The following MSANTD2 variants were observed in gnomAD, a reference collection of about 807,000 sequenced individuals.
The protein encoded by MSANTD2 is Myb/SANT DNA binding domain containing 2.
A neutral mutation model predicts 52.6 loss-of-function variants in MSANTD2; 19 were observed. The observed-to-expected ratio is 0.36, with a 90% CI of 0.25 to 0.53. The LOEUF (loss-of-function observed/expected upper bound fraction) is 0.53, where lower values mean the gene tolerates loss of function less well. Among genes scored for constraint, MSANTD2 ranks in the 20% least tolerant of loss-of-function variants. The pLI is 0.91. For synonymous variants in MSANTD2, 291 were observed against 289.7 expected (o/e 1.00, Z -0.04); for missense variants, 558 against 716.3 (o/e 0.78, Z 2.52).
chr11:124,773,175 T>G, intron 2 of MSANTD2, 121 bp from the exon 3 acceptor site: 1 of 616,260 alleles, frequency 1.6e-6, no homozygotes. Flanking sequence ...TTTATTCTAG[T>G]GTCAAACACT....
chr11:124,767,992 C>G lies in MSANTD2; in HGVS notation c.864G>C (p.Leu288Phe). ...GTTCCCATTTCAACTGTACCGATTC[C>G]AAAATCTGTACAATATTCTGCATGA... ...RDIMQNIVQI[L>F]ESVQLKWELF... The change falls in exon 4 of 4, where the codon TTG (leucine) becomes TTC (phenylalanine). Residue 288 changes from leucine (L) to phenylalanine (F), a missense_variant. This residue lies in a region of MSANTD2 where 408 missense variants were observed against 573.6 expected (regional missense o/e 0.71). Transcript: ENST00000374979. This position sits in a 1 kb window ranked among gnomAD's most constrained non-coding sequence, Gnocchi z 6.5. The G allele has an allele frequency of 6.2e-7, 1 of 1,612,460 alleles. No homozygotes were observed. Among genetic ancestry groups the G allele is most frequent in the Non-Finnish European group, 8.5e-7 (1 of 1,178,840 alleles).
At position 124,767,842 on chromosome 11, in the gene MSANTD2, C is replaced by G; in HGVS notation, c.1014G>C (p.Gln338His). Residue 338 changes from glutamine (Q) to histidine (H), a missense_variant, in exon 4 of 4, where the codon CAG (glutamine) becomes CAC (histidine). This residue lies in a region of MSANTD2 where 408 missense variants were observed against 573.6 expected (regional missense o/e 0.71). Coordinates refer to ENST00000374979, the MANE Select transcript of MSANTD2 (RefSeq NM_001308027.2). This position sits in a 1 kb window ranked among gnomAD's most constrained non-coding sequence, Gnocchi z 6.5. ...IRYHYAEISSQVPLGKRLREY... is the reference protein window; with the variant it reads ...IRYHYAEISSHVPLGKRLREY... The stretch of plus-strand genomic sequence containing the variant: ...CCCGAAGTCGCTTGCCAAGGGGCAC[C>G]TGGGAGCTGATCTCAGCATAATGGT... The G allele has an allele frequency of 6.2e-7, 1 of 1,614,240 alleles. No homozygotes were observed. The highest frequency in any genetic ancestry group is 1.7e-5 in the Admixed American group (1 of 60,030).
rs1174814446 is a variant in MSANTD2, at chr11:124,779,784, G to A, written c.511-4810C>T. 6.6e-6 allele frequency among the ~76,000 whole-genome samples: 1 copy of A among 152,142 alleles called. No homozygotes were observed. The highest frequency in any genetic ancestry group is 2.4e-5 in the African/African-American group (1 of 41,430). ...TGCCAAGTACACATGATAAATTTGA[G>A]ATTCCTTTTACCCAAATGATTAAAG... On this transcript the variant is annotated intron_variant, in intron 1 of 3. Transcript: ENST00000374979. This position sits in a 1 kb window ranked among gnomAD's most constrained non-coding sequence, Gnocchi z 4.6.
In MSANTD2 at chr11:124,799,908, T is replaced by C; in HGVS notation, c.473A>G (p.Tyr158Cys). The change falls in exon 1 of 4, where the codon TAC becomes TGC. Residue 158 changes from tyrosine (Y) to cysteine (C), a missense_variant. By Grantham distance (194) the Tyr-to-Cys change is radical. Coordinates refer to ENST00000374979, the MANE Select transcript of MSANTD2 (RefSeq NM_001308027.2). ...CCGGCACTGGGACGGGGTCCGCTCG[T>C]AGCCCAGCTCGGCCAGGGCCCGGGA... ...RVSRALAELG[Y>C]ERTPSQCRER... 2 of 1,585,488 alleles carry C rather than the reference T, an allele frequency of 1.3e-6. No homozygotes were observed. The highest frequency in any genetic ancestry group is 2.2e-5 in the South Asian group (2 of 89,148).
At chr11:124,776,791 C>A (rs1944763111) in intron 1 of MSANTD2, among the ~76,000 whole-genome samples, 1 of 152,236 alleles carries the variant, frequency 6.6e-6, no homozygotes, top group African/African-American at 2.4e-5. Flanking sequence ...AGCCGGCCTA[C>A]CCCCTGCACA....
intron 1 of MSANTD2, 140 bp downstream of exon 1, chr11:124,799,731 G>A: frequency 1.7e-6 from 1 of 606,022 alleles, no homozygotes; most frequent in Non-Finnish European, 2.8e-6. Context: ...AGGGAGAGAA[G>A]AAAAAGGCGG....
chr11:124,786,089 T>TTTC, intron 1 of MSANTD2, among the ~76,000 whole-genome samples: 10 of 139,876 alleles, frequency 7.1e-5, no homozygotes, highest in African/African-American at 2.0e-4. Context: ...CCCTGCATCA[T>TTTC]TTCTTCTTTT....
intron 1 of MSANTD2, among the ~76,000 whole-genome samples, chr11:124,782,687 T>C (rs985638019): frequency 1.3e-5 from 2 of 152,174 alleles, no homozygotes; most frequent in Non-Finnish European, 2.9e-5. Flanking sequence ...ATTTTATCTA[T>C]CTTGGTTGTC....
chr11:124,769,448 T>C (rs1191372376), intron 3 of MSANTD2, among the ~76,000 whole-genome samples: 2 of 152,328 alleles, frequency 1.3e-5, no homozygotes, highest in South Asian at 4.1e-4. Context: ...TGATGTCTGA[T>C]TGTGGTGCTT....
At chr11:124,781,147 C>T (rs892515519) in intron 1 of MSANTD2, among the ~76,000 whole-genome samples, 1 of 148,508 alleles carries the variant, frequency 6.7e-6, no homozygotes, top group African/African-American at 2.5e-5. Context: ...CGTGCCACTG[C>T]ACTCCAGCCT....
chr11:124,778,779 A>G (rs767435251), intron 1 of MSANTD2, among the ~76,000 whole-genome samples: 2 of 152,210 alleles, frequency 1.3e-5, no homozygotes, highest in African/African-American at 2.4e-5. Flanking sequence ...GGACAGAGTG[A>G]AAGTTTTGCC....
At chr11:124,782,723 C>T (rs188927442) in intron 1 of MSANTD2, among the ~76,000 whole-genome samples, 45 of 152,244 alleles carry the variant, frequency 3.0e-4, no homozygotes, top group African/African-American at 1.0e-3. Context: ...TAGAACAGTG[C>T]TAATCACATG....
At position 124,767,820 on chromosome 11, in the gene MSANTD2, G is replaced by A. The variant is rs780001210; in HGVS notation, c.1036C>T (p.Arg346Trp). The change falls in exon 4 of 4, where the codon CGG becomes TGG. Residue 346 changes from arginine to tryptophan, a missense_variant. Physicochemically the swap from Arg to Trp is moderately radical, Grantham distance 101. Coordinates refer to ENST00000374979, the MANE Select transcript of MSANTD2 (RefSeq NM_001308027.2). The surrounding 1 kb of genome is among the most constrained non-coding windows in gnomAD (Gnocchi z 6.5). ...SSQVPLGKRL[R>W]EYFNSEKPEG... ...GGCTTCTCAGAGTTGAAGTACTCCC[G>A]AAGTCGCTTGCCAAGGGGCACCTGG... 8.7e-6 allele frequency: 14 copies of A among 1,614,070 alleles called. No homozygotes were observed. Among genetic ancestry groups the A allele is most frequent in the South Asian group, 1.1e-5 (1 of 91,082 alleles).
chr11:124,796,120 G>A lies in MSANTD2; in HGVS notation c.510+3751C>T, dbSNP rs1427199085. Among the ~76,000 whole-genome samples the A allele has an allele frequency of 4.6e-5, 7 of 152,118 alleles. 1 individual carries two copies. The highest frequency in any genetic ancestry group is 2.0e-4 in the Admixed American group (3 of 15,270). ...TTCATTTAGACAGTATTAAAAAGTA[G>A]GATGTTAGTCTCAAAATCCAAGAGT... On this transcript the variant is annotated intron_variant, in intron 1 of 3. Coordinates refer to ENST00000374979, the MANE Select transcript of MSANTD2 (RefSeq NM_001308027.2).
exon 1 of MSANTD2, chr11:124,800,405 GCC>G: frequency 6.9e-7 from 1 of 1,440,006 alleles, no homozygotes; most frequent in Non-Finnish European, 9.1e-7. The surrounding 1 kb of genome is among the most constrained non-coding windows in gnomAD (Gnocchi z 4.3). Flanking sequence ...CCGCTGCACC[GCC>G]CGGAAGTGAC....
intron 1 of MSANTD2, among the ~76,000 whole-genome samples, chr11:124,794,793 G>A (rs1221638525): frequency 2.6e-5 from 4 of 152,134 alleles, no homozygotes; most frequent in Admixed American, 6.6e-5. Context: ...CAAAGATGAT[G>A]ACAATTACTG....
At chr11:124,778,907 T>C (rs935221847) in intron 1 of MSANTD2, 1 of 152,080 alleles carries the variant, frequency 6.6e-6, no homozygotes, top group Non-Finnish European at 1.5e-5. Flanking sequence ...GAGTTTTAGA[T>C]TGGCAGGATT....
intron 3 of MSANTD2, among the ~76,000 whole-genome samples, chr11:124,770,746 C>T (rs1042623693): frequency 6.6e-6 from 1 of 150,920 alleles, no homozygotes; most frequent in Non-Finnish European, 1.5e-5. Flanking sequence ...GCTGGGATTA[C>T]AGGTGTGTGC....
intron 1 of MSANTD2, among the ~76,000 whole-genome samples, chr11:124,786,096 T>C (rs1945149679): frequency 2.4e-5 from 1 of 41,680 alleles, no homozygotes; most frequent in South Asian, 7.8e-4. Context: ...TCATTTCTTC[T>C]TTTTTTTTTT....
Sources: allele counts gnomAD v4.1 joint callset (sites outside exome capture counted in the v4.1 genomes callset), GRCh38; gene constraint gnomAD v4.1.1; regional missense constraint gnomAD v4.1.1; non-coding constraint Gnocchi (gnomAD v3.1); transcripts MANE v1.5; gene names NCBI Gene and HGNC (gene_info 2026-07-23, HGNC 2026-07-21).